Variants in TCF12 observed in about 807,000 individuals in gnomAD.
TCF12 encodes DNA-binding protein HTF4.
TCF12 carries 45 observed loss-of-function variants against 86.0 expected under a neutral mutation model. The ratio of observed to expected loss-of-function variants is 0.52; its 90% confidence interval spans 0.41 to 0.67. TCF12 has a LOEUF of 0.67. TCF12 is among the 30% of genes least tolerant of loss of function. The pLI, the probability that TCF12 is intolerant of heterozygous loss-of-function variation, is 0.00. For synonymous variants in TCF12, 330 were observed against 299.6 expected (o/e 1.10, Z -1.05); for missense variants, 881 against 859.9 (o/e 1.02, Z -0.31).
intron 3 of TCF12, among the ~76,000 whole-genome samples, chr15:57,016,367 A>G (rs1305472760): frequency 1.3e-5 from 2 of 152,160 alleles, no homozygotes; most frequent in Admixed American, 6.5e-5. Flanking sequence ...AAAGGTCAAC[A>G]CAGAAACATG....
rs140252376 is a variant in TCF12 at position 57,156,902 on chromosome 15, C to T, written c.326-9500C>T. ...TGTATAATGCAAGAAATTTCTTAGACGAGCATTGATACAAGGATTTGGTGG... is the reference window on the plus strand; with the variant it reads ...TGTATAATGCAAGAAATTTCTTAGATGAGCATTGATACAAGGATTTGGTGG... On this transcript the variant is annotated intron_variant, in intron 5 of 20. Transcript: ENST00000333725. Among the ~76,000 whole-genome samples the T allele has an allele frequency of 7.4e-3, 1,128 of 152,252 alleles. 15 individuals carry two copies. Among genetic ancestry groups the T allele is most frequent in the African/African-American group, 0.026 (1,076 of 41,536 alleles).
chr15:57,192,026 A>T, intron 6 of TCF12, 132 bp from the exon 7 acceptor site: 1 of 991,114 alleles, frequency 1.0e-6, no homozygotes, highest in Non-Finnish European at 1.5e-6. Context: ...AATTGAATTC[A>T]AAACGTACTT....
intron 5 of TCF12, among the ~76,000 whole-genome samples, chr15:57,163,542 C>T (rs2054644251): frequency 6.6e-6 from 1 of 151,776 alleles, no homozygotes; most frequent in South Asian, 2.1e-4. Context: ...TCTACTGAAA[C>T]TGAAATTTTA....
intron 5 of TCF12, among the ~76,000 whole-genome samples, chr15:57,109,560 T>G (rs2050353854): frequency 6.6e-6 from 1 of 152,232 alleles, no homozygotes; most frequent in African/African-American, 2.4e-5. Flanking sequence ...TAATTTGTTC[T>G]TATAGTTAGT....
chr15:57,264,195 CTTTTTTT>C (rs770642915), intron 18 of TCF12, among the ~76,000 whole-genome samples: 7 of 50,698 alleles, frequency 1.4e-4, no homozygotes, highest in South Asian at 1.3e-3. Flanking sequence ...CTTTTGTAAG[CTTTTTTT>C]TTTTTTTTTT....
At position 56,972,852 on chromosome 15, in the gene TCF12, GAAC is replaced by G. The variant is rs750154473; in HGVS notation, c.148+51756_148+51758del. Reference sequence around the variant, plus strand: ...AGTAACATAGTTATGGAGGGGAGGGGAACAGACTAACACAACTTTTGAACACAG... The same window carrying G: ...AGTAACATAGTTATGGAGGGGAGGGGAGACTAACACAACTTTTGAACACAG... On this transcript the variant is annotated intron_variant, in intron 3 of 20. Transcript: ENST00000333725. Among the ~76,000 whole-genome samples, 14 of 152,192 alleles carry G rather than the reference GAAC, an allele frequency of 9.2e-5. No individual in the cohort carries two copies. The South Asian group carries it at 1.2e-3, about 14-fold the overall frequency.
At chr15:57,201,849 T>C (rs1029671917) in intron 8 of TCF12, among the ~76,000 whole-genome samples, 1 of 152,218 alleles carries the variant, frequency 6.6e-6, no homozygotes, top group Non-Finnish European at 1.5e-5. Context: ...GTACATCAGC[T>C]GTTTTTCATC....
intron 12 of TCF12, among the ~76,000 whole-genome samples, chr15:57,238,759 A>G (rs1224622525): frequency 4.6e-5 from 7 of 152,198 alleles, no homozygotes; most frequent in Non-Finnish European, 8.8e-5. Flanking sequence ...AATGGATTCA[A>G]TGTTGACCAG....
intron 5 of TCF12, among the ~76,000 whole-genome samples, chr15:57,164,178 G>A (rs183326815): frequency 3.3e-4 from 51 of 152,250 alleles, no homozygotes; most frequent in African/African-American, 1.2e-3. Flanking sequence ...GTACCCTACT[G>A]TTAATTGTTA....
intron 4 of TCF12, among the ~76,000 whole-genome samples, chr15:57,090,354 AAC>A (rs1567401717): frequency 6.6e-6 from 1 of 152,210 alleles, no homozygotes; most frequent in East Asian, 1.9e-4. Context: ...GTTACCAGAG[AAC>A]ACTTGTGGTC....
chr15:57,110,782 A>G (rs1209640845), intron 5 of TCF12, among the ~76,000 whole-genome samples: 1 of 152,236 alleles, frequency 6.6e-6, no homozygotes, highest in African/African-American at 2.4e-5. Flanking sequence ...AAATGAGGAA[A>G]CTGAAAGTAA....
At position 57,193,782 on chromosome 15, in the gene TCF12, T is replaced by C. The variant is rs147022859; in HGVS notation, c.526+1489T>C. On this transcript the variant is annotated intron_variant, in intron 7 of 20. Transcript: ENST00000333725. ...TTTGCTTGTGGGTATAAAAGGGCAC[T>C]ATGATAGATCATCATATTCAGCATA... Among the ~76,000 whole-genome samples the C allele has an allele frequency of 8.7e-4, 133 of 152,348 alleles. 2 individuals are homozygous for C. In the East Asian group the frequency reaches 0.023, roughly 26 times the overall value.
chr15:57,210,603 A>G (rs556215394), intron 8 of TCF12, among the ~76,000 whole-genome samples: 3 of 152,292 alleles, frequency 2.0e-5, no homozygotes, highest in Admixed American at 6.5e-5. Context: ...GTGAGGTCTT[A>G]GCATTAGAGT....
At chr15:57,126,253 G>C (rs1332497049) in intron 5 of TCF12, among the ~76,000 whole-genome samples, 3 of 151,980 alleles carry the variant, frequency 2.0e-5, no homozygotes, top group African/African-American at 7.2e-5. Flanking sequence ...AAAAAACAAA[G>C]CATCTGATTT....
At chr15:57,148,650 G>T (rs577842152) in intron 5 of TCF12, among the ~76,000 whole-genome samples, 1 of 150,870 alleles carries the variant, frequency 6.6e-6, no homozygotes. Context: ...GGAGGCTGAG[G>T]TGGGTGGATC....
At chr15:57,269,101 T>G (rs2061003043) in intron 18 of TCF12, among the ~76,000 whole-genome samples, 1 of 152,168 alleles carries the variant, frequency 6.6e-6, no homozygotes, top group Non-Finnish European at 1.5e-5. Context: ...GTCTCGTTGA[T>G]CTGTCTAATA....
At chr15:57,104,321 T>A (rs540557623) in intron 5 of TCF12, among the ~76,000 whole-genome samples, 12 of 152,198 alleles carry the variant, frequency 7.9e-5, no homozygotes, top group Admixed American at 7.2e-4. Context: ...TCCAAAAATA[T>A]TATTGGCAGA....
At chr15:57,073,513 C>T (rs1255292381) in intron 4 of TCF12, among the ~76,000 whole-genome samples, 4 of 152,186 alleles carry the variant, frequency 2.6e-5, no homozygotes, top group Admixed American at 6.5e-5. Context: ...GATCTTCACA[C>T]GAGCTCACCA....
intron 2 of TCF12, among the ~76,000 whole-genome samples, chr15:56,920,316 T>C (rs1393116401): frequency 1.3e-5 from 2 of 152,194 alleles, no homozygotes; most frequent in Non-Finnish European, 2.9e-5. Flanking sequence ...GGGGATCTTG[T>C]ACTTTATATG....
Sources: gnomAD v4.1 joint callset for allele counts (sites outside exome capture counted in the v4.1 genomes callset) on GRCh38, gnomAD v4.1.1 for gene constraint, MANE v1.5 for transcripts, NCBI Gene and HGNC (gene_info 2026-07-23, HGNC 2026-07-21) for gene names.